The following KCNB2 variants were observed in gnomAD, a reference collection of about 807,000 sequenced individuals.
KCNB2 encodes the protein delayed rectifier potassium channel protein.
In KCNB2, 15 loss-of-function variants were observed where a neutral mutation model predicts 61.5. That is an observed-to-expected ratio of 0.24 (90% CI 0.16 to 0.38). The LOEUF is 0.38. KCNB2 is among the 10% of genes least tolerant of loss of function. The pLI is 1.00. For synonymous variants in KCNB2, 457 were observed against 446.0 expected (o/e 1.02, Z -0.31); for missense variants, 828 against 1,125.2 (o/e 0.74, Z 3.78).
chr8:72,569,275 T>C (rs1806674916), intron 2 of KCNB2, among the ~76,000 whole-genome samples: 1 of 152,230 alleles, frequency 6.6e-6, no homozygotes, highest in Non-Finnish European at 1.5e-5. Flanking sequence ...GGGAAGAGTG[T>C]GTCATCACAT....
intron 2 of KCNB2, among the ~76,000 whole-genome samples, chr8:72,762,804 T>G (rs1262303748): frequency 6.6e-6 from 1 of 151,328 alleles, no homozygotes; most frequent in East Asian, 1.9e-4. Context: ...TTTCTCCATT[T>G]GAGCACTGAA....
At chr8:72,619,320 C>G (rs1805676824) in intron 2 of KCNB2, 1 of 613,916 alleles carries the variant, frequency 1.6e-6, no homozygotes, top group Non-Finnish European at 3.2e-6. Flanking sequence ...AAAGTTCACA[C>G]TCTCCATGAG....
chr8:72,832,884 G>A (rs892651874), intron 2 of KCNB2, among the ~76,000 whole-genome samples: 4 of 152,146 alleles, frequency 2.6e-5, no homozygotes, highest in African/African-American at 7.2e-5. Flanking sequence ...GTGAGACAGA[G>A]AGCGAGATAC....
At chr8:72,770,230 G>A (rs1808537069) in intron 2 of KCNB2, among the ~76,000 whole-genome samples, 1 of 152,158 alleles carries the variant, frequency 6.6e-6, no homozygotes, top group South Asian at 2.1e-4. Context: ...TGTTTTTCTT[G>A]TGCAGATGGA....
At chr8:72,811,920 G>C (rs1277529734) in intron 2 of KCNB2, among the ~76,000 whole-genome samples, 1 of 152,202 alleles carries the variant, frequency 6.6e-6, no homozygotes, top group Non-Finnish European at 1.5e-5. Flanking sequence ...ACAAAAAATT[G>C]TAGCATTAGC....
At chr8:72,897,131 C>A (rs1049430813) in intron 2 of KCNB2, among the ~76,000 whole-genome samples, 6 of 151,974 alleles carry the variant, frequency 3.9e-5, no homozygotes, top group African/African-American at 7.2e-5. Context: ...CCTGTGCATG[C>A]CCCTATAGTG....
intron 2 of KCNB2, among the ~76,000 whole-genome samples, chr8:72,713,745 C>T (rs1276922076): frequency 6.6e-6 from 1 of 152,156 alleles, no homozygotes; most frequent in African/African-American, 2.4e-5. Context: ...CTCTAAAAAT[C>T]AGAGTGCCTC....
intron 2 of KCNB2, among the ~76,000 whole-genome samples, chr8:72,807,398 C>T (rs961796187): frequency 1.3e-5 from 2 of 152,148 alleles, no homozygotes; most frequent in African/African-American, 4.8e-5. Context: ...AACTTGACCA[C>T]CCTGCAGGTA....
intron 2 of KCNB2, among the ~76,000 whole-genome samples, chr8:72,904,743 CA>C (rs1452622461): frequency 6.6e-6 from 1 of 151,778 alleles, no homozygotes; most frequent in African/African-American, 2.4e-5. Context: ...TTAGTGTTCC[CA>C]TAGCACTTTA....
chr8:72,585,334 C>G (rs1806986892), intron 2 of KCNB2, among the ~76,000 whole-genome samples: 1 of 152,138 alleles, frequency 6.6e-6, no homozygotes, highest in African/African-American at 2.4e-5. Context: ...TTAAGAAACT[C>G]CCATGCATTT....
Position 72,690,657 on chromosome 8 carries a change from A to G in KCNB2, c.579+122344A>G, listed in dbSNP as rs372533298. Among the ~76,000 whole-genome samples, 7 of 152,208 alleles carry G rather than the reference A, an allele frequency of 4.6e-5. No homozygotes were observed. The East Asian group carries it at 9.6e-4, about 21-fold the overall frequency. On this transcript the variant is annotated intron_variant, in intron 2 of 2. Coordinates refer to ENST00000523207, the MANE Select transcript of KCNB2 (RefSeq NM_004770.3). Reference sequence around the variant, plus strand: ...GTTTCCATAGGACTTTAAACAACTTACCACAAAAATTTATGTGACCATTTT... The same window carrying G: ...GTTTCCATAGGACTTTAAACAACTTGCCACAAAAATTTATGTGACCATTTT...
chr8:72,785,612 T>A (rs79970775), intron 2 of KCNB2, among the ~76,000 whole-genome samples: 2,493 of 152,276 alleles, frequency 0.016, 52 homozygotes, highest in African/African-American at 0.051. Context: ...ATCAGGGATT[T>A]TTTTTTGACA....
At chr8:72,611,908 G>C (rs971595493) in intron 2 of KCNB2, among the ~76,000 whole-genome samples, 4 of 152,062 alleles carry the variant, frequency 2.6e-5, no homozygotes, top group African/African-American at 9.6e-5. Flanking sequence ...TTGTGACAAG[G>C]ACTAAATAAC....
intron 2 of KCNB2, among the ~76,000 whole-genome samples, chr8:72,602,060 G>A (rs1805358210): frequency 6.6e-6 from 1 of 152,164 alleles, no homozygotes; most frequent in Non-Finnish European, 1.5e-5. Context: ...TGCAATGGGG[G>A]AGGGCAGTGA....
intron 2 of KCNB2, among the ~76,000 whole-genome samples, chr8:72,703,119 G>A (rs575455348): frequency 3.3e-5 from 5 of 152,300 alleles, no homozygotes; most frequent in Admixed American, 1.3e-4. Flanking sequence ...CAACATCAGC[G>A]TATAGAAATT....
chr8:72,892,287 G>C (rs1310787642), intron 2 of KCNB2, among the ~76,000 whole-genome samples: 1 of 152,100 alleles, frequency 6.6e-6, no homozygotes, highest in African/African-American at 2.4e-5. Context: ...AACAAGGTCT[G>C]TGTGTGTGGA....
intron 2 of KCNB2, among the ~76,000 whole-genome samples, chr8:72,920,479 A>ATGTGTGTGTG (rs1806500024): frequency 2.0e-5 from 1 of 49,804 alleles, no homozygotes; most frequent in Non-Finnish European, 6.3e-5. Context: ...CTATCTATAT[A>ATGTGTGTGTG]TATATATATT....
At position 72,895,476 on chromosome 8, in the gene KCNB2, G is replaced by A. The variant is rs117450704; in HGVS notation, c.580-40459G>A. Among the ~76,000 whole-genome samples the A allele has an allele frequency of 1.5e-4, 23 of 152,234 alleles. No homozygotes were observed. The East Asian group carries it at 3.5e-3, about 23-fold the overall frequency. On this transcript the variant is annotated intron_variant, in intron 2 of 2. Transcript: ENST00000523207. The stretch of plus-strand genomic sequence containing the variant: ...CCTAGAGCCTCCTAAAAGGAACACA[G>A]CCTTGTCAGGATGCCTTAGTTTTAG...
intron 2 of KCNB2, chr8:72,660,987 A>C (rs542299024): frequency 1.3e-5 from 2 of 152,222 alleles, no homozygotes; most frequent in African/African-American, 4.8e-5. Flanking sequence ...TGTCTTATTC[A>C]GTTAATTTAG....
Sources: gnomAD v4.1 joint callset for allele counts (sites outside exome capture counted in the v4.1 genomes callset) on GRCh38, gnomAD v4.1.1 for gene constraint, MANE v1.5 for transcripts, NCBI Gene and HGNC (gene_info 2026-07-23, HGNC 2026-07-21) for gene names.